The following CACNA1D variants were observed in gnomAD, a reference collection of about 807,000 sequenced individuals.
CACNA1D encodes calcium voltage-gated channel subunit alpha1 D.
In CACNA1D, 55 loss-of-function variants were observed where a neutral mutation model predicts 257.1. The ratio of observed to expected loss-of-function variants is 0.21; its 90% CI spans 0.17 to 0.27. CACNA1D has a LOEUF of 0.27. Among genes scored for constraint, CACNA1D ranks in the 10% least tolerant of loss-of-function variants. The pLI, the probability that CACNA1D is intolerant of heterozygous loss-of-function variation, is 1.00. For missense variants in CACNA1D, 1,876 were observed against 2,784.0 expected (o/e 0.67, Z 7.34); for synonymous variants, 980 against 1,014.9 (o/e 0.97, Z 0.65).
At chr3:53,520,884 T>G (rs2091535794) in intron 3 of CACNA1D, among the ~76,000 whole-genome samples, 1 of 74,992 alleles carries the variant, frequency 1.3e-5, no homozygotes, top group Non-Finnish European at 2.4e-5. Context: ...CTTTCTTTCT[T>G]TCTTTCTTTC....
In CACNA1D at chr3:53,732,092, C is replaced by T. The variant is rs774191912; in HGVS notation, c.2473+10C>T. The T allele has an allele frequency of 4.2e-5, 68 of 1,603,290 alleles. 1 individual carries two copies. Among genetic ancestry groups the T allele is most frequent in the South Asian group, 3.4e-4 (31 of 90,838 alleles). On this transcript the variant is annotated intron_variant, in intron 18 of 47. Transcript: ENST00000350061. ...CCTTGCGATGTGCCAGGTATGGTGG[C>T]GGAGGCCGGAGACGCTGGCTTTGCT...
At position 53,742,122 on chromosome 3, in the gene CACNA1D, T is replaced by C. The variant is rs548180164; in HGVS notation, c.2812-889T>C. On this transcript the variant is annotated intron_variant, in intron 21 of 47. Coordinates refer to ENST00000350061, the MANE Select transcript of CACNA1D (RefSeq NM_001128840.3). ...CCTTGGGGACATTTGGAAGGCTCTT[T>C]GGTTATTTGCTTAAGCCCTATGAAA... Among the ~76,000 whole-genome samples the C allele has an allele frequency of 4.6e-5, 7 of 152,266 alleles. No homozygotes were observed. In the South Asian group the frequency reaches 1.5e-3, roughly 32 times the overall value.
rs561988268 is a variant in CACNA1D, at chr3:53,538,303, A to G, written c.483+36583A>G. 9.9e-5 allele frequency among the ~76,000 whole-genome samples: 15 copies of G among 151,776 alleles called. No individual in the cohort carries two copies. The South Asian group carries it at 1.7e-3, about 17-fold the overall frequency. On this transcript the variant is annotated intron_variant, in intron 3 of 47. Coordinates refer to ENST00000350061, the MANE Select transcript of CACNA1D (RefSeq NM_001128840.3). Reference sequence around the variant, plus strand: ...CCTGGGACTACAGGCGCACGCCACCATGCGTGCCATGTCTGGCTAATTTTT... The same window carrying G: ...CCTGGGACTACAGGCGCACGCCACCGTGCGTGCCATGTCTGGCTAATTTTT...
At chr3:53,565,283 G>C (rs964505443) in intron 3 of CACNA1D, among the ~76,000 whole-genome samples, 7 of 152,132 alleles carry the variant, frequency 4.6e-5, no homozygotes, top group African/African-American at 1.7e-4. Flanking sequence ...TTCTTGGAAA[G>C]TTTCCTACTC....
At chr3:53,554,963 T>C (rs1396058805) in intron 3 of CACNA1D, among the ~76,000 whole-genome samples, 4 of 152,200 alleles carry the variant, frequency 2.6e-5, no homozygotes, top group Non-Finnish European at 4.4e-5. Context: ...AAACAACAAC[T>C]TCCCCTTTTC....
At chr3:53,527,332 A>G (rs2091802805) in intron 3 of CACNA1D, among the ~76,000 whole-genome samples, 1 of 152,204 alleles carries the variant, frequency 6.6e-6, no homozygotes, top group Non-Finnish European at 1.5e-5. Context: ...GGAGAACTGT[A>G]TTGGGTAGTT....
chr3:53,792,811 G>A (rs992612673), intron 40 of CACNA1D, among the ~76,000 whole-genome samples: 10 of 152,242 alleles, frequency 6.6e-5, no homozygotes, highest in East Asian at 1.9e-4. Flanking sequence ...TCACTGTACC[G>A]AGAGGTCTAA....
chr3:53,512,321 T>C (rs1575716431), intron 3 of CACNA1D, among the ~76,000 whole-genome samples: 1 of 152,234 alleles, frequency 6.6e-6, no homozygotes, highest in East Asian at 1.9e-4. Flanking sequence ...ATAAATCTTT[T>C]CCTAGACATC....
rs2095132892 is a variant in CACNA1D at position 53,743,049 on chromosome 3, C to T, written c.2850C>T (p.Phe950=). The change falls in exon 22 of 48, where the codon TTC becomes TTT. Residue 950 remains phenylalanine (F), a synonymous_variant. Coordinates refer to ENST00000350061, the MANE Select transcript of CACNA1D (RefSeq NM_001128840.3). ...TFGAFLHKGA[F]CRNYFNLLDM... is the part of the protein sequence containing the mutation. The stretch of plus-strand genomic sequence containing the variant: ...GAGCTTTCCTCCACAAAGGGGCCTT[C>T]TGCAGGAACTACTTCAATTTGCTGG... The T allele has an allele frequency of 2.5e-6, 4 of 1,613,750 alleles. No individual in the cohort carries two copies. Among genetic ancestry groups the T allele is most frequent in the Admixed American group, 1.7e-5 (1 of 60,010 alleles).
intron 8 of CACNA1D, among the ~76,000 whole-genome samples, chr3:53,689,961 GA>G (rs1051344533): frequency 2.0e-5 from 3 of 152,136 alleles, no homozygotes; most frequent in African/African-American, 7.2e-5. Flanking sequence ...CACCCGGCTA[GA>G]TTTTTTTTTA....
chr3:53,702,535 G>A (rs900441004), intron 8 of CACNA1D, 106 bp from the exon 9 acceptor site: 33 of 1,034,498 alleles, frequency 3.2e-5, no homozygotes, highest in Non-Finnish European at 4.2e-5. Flanking sequence ...ACTATACTCA[G>A]TGCTGTGTGT....
chr3:53,654,824 C>T (rs1441031779), intron 4 of CACNA1D, among the ~76,000 whole-genome samples: 2 of 151,924 alleles, frequency 1.3e-5, no homozygotes, highest in Non-Finnish European at 2.9e-5. Flanking sequence ...AATCCCAGGT[C>T]TATCTAATAA....
chr3:53,598,122 C>A (rs61522131), intron 3 of CACNA1D, among the ~76,000 whole-genome samples: 2 of 152,120 alleles, frequency 1.3e-5, no homozygotes, highest in Non-Finnish European at 2.9e-5. Context: ...CAGTCAGATT[C>A]TGATTTGAAA....
chr3:53,719,663 C>A, intron 10 of CACNA1D, 92 bp from the exon 11 acceptor site: 1 of 1,169,062 alleles, frequency 8.6e-7, no homozygotes, highest in Non-Finnish European at 1.3e-6. Context: ...AGGCTGTATG[C>A]ATGGCTTTTA....
chr3:53,786,737 G>GC, intron 39 of CACNA1D, 85 bp from the exon 40 acceptor site: 3 of 416,602 alleles, frequency 7.2e-6, no homozygotes, highest in South Asian at 4.6e-5. Flanking sequence ...CTCTGCCCCT[G>GC]CCCCTGCCCC....
At chr3:53,553,125 GT>G (rs2092568746) in intron 3 of CACNA1D, among the ~76,000 whole-genome samples, 1 of 152,172 alleles carries the variant, frequency 6.6e-6, no homozygotes, top group Non-Finnish European at 1.5e-5. Flanking sequence ...GAAACAAAAG[GT>G]TACTTTAAAG....
chr3:53,619,393 G>A (rs1197126308), intron 3 of CACNA1D, among the ~76,000 whole-genome samples: 1 of 152,144 alleles, frequency 6.6e-6, no homozygotes. Context: ...GAATTAATTG[G>A]CTAAGCCTCA....
Position 53,723,517 on chromosome 3 carries a change from G to A in CACNA1D, c.1750G>A (p.Val584Ile), listed in dbSNP as rs773365038. 1.6e-5 allele frequency: 26 copies of A among 1,613,916 alleles called. No individual in the cohort carries two copies. The highest frequency in any genetic ancestry group is 6.7e-5 in the East Asian group (3 of 44,876). The change falls in exon 13 of 48, where the codon GTC becomes ATC. Residue 584 changes from valine (V) to isoleucine (I), a missense_variant. This residue lies in a region of CACNA1D where 257 missense variants were observed against 399.7 expected (regional missense o/e 0.64). Coordinates refer to ENST00000350061, the MANE Select transcript of CACNA1D (RefSeq NM_001128840.3). The surrounding 1 kb of genome is among the most constrained non-coding windows in gnomAD (Gnocchi z 5.6). ...CAGCTTGGGCCTCCAAGCATATTTC[G>A]TCTCTCTTTTCAACCGGTTTGATTG... The part of the protein sequence containing the change: ...MYSLGLQAYF[V>I]SLFNRFDCFV...
intron 45 of CACNA1D, 76 bp downstream of exon 45, chr3:53,805,222 GC>G: frequency 7.1e-7 from 1 of 1,401,418 alleles, no homozygotes; most frequent in Non-Finnish European, 1.0e-6. Context: ...CGCTCTGGGG[GC>G]CGGTGATGGA....
Sources: allele counts gnomAD v4.1 joint callset (sites outside exome capture counted in the v4.1 genomes callset), GRCh38; gene constraint gnomAD v4.1.1; regional missense constraint gnomAD v4.1.1; non-coding constraint Gnocchi (gnomAD v3.1); transcripts MANE v1.5; gene names NCBI Gene and HGNC (gene_info 2026-07-23, HGNC 2026-07-21).